ZNF721: variants seen among roughly 807,000 people sequenced by gnomAD.
ZNF721 encodes zinc finger protein 721.
A neutral mutation model predicts 2.4 loss-of-function variants in ZNF721; 2 were observed. The observed-to-expected ratio is 0.82, with a 90% confidence interval of 0.34 to 2.58. ZNF721 has a LOEUF of 2.58. Ranked by LOEUF, ZNF721 falls within the 30% of genes most tolerant of loss-of-function variation. The pLI is 0.11. For synonymous variants in ZNF721, 398 were observed against 381.8 expected, an observed-to-expected ratio of 1.04 and a Z score of -0.50; for missense variants, 1,187 against 1,085.5, an observed-to-expected ratio of 1.09 and a Z score of -1.31.
Position 443,411 on chromosome 4 carries a change from C to A in ZNF721, c.1056G>T (p.Arg352Ser), listed in dbSNP as rs1176547407. The A allele has an allele frequency of 1.2e-6, 2 of 1,612,920 alleles. No individual in the cohort carries two copies. Among genetic ancestry groups the A allele is most frequent in the African/African-American group, 1.3e-5 (1 of 74,876 alleles). ...AAGGTTTCTCTCCAGTATGAATTCT[C>A]CTATGTACGTAAAGGTTTGCGGACT... Reference protein sequence around the residue: ...FRQSANLYVHRRIHTGEKPYK... With the variant: ...FRQSANLYVHSRIHTGEKPYK... The change falls in exon 3 of 3, where the codon AGG becomes AGT. Residue 352 changes from arginine (R) to serine (S), a missense_variant. Physicochemically the swap from Arg to Ser is moderately radical, Grantham distance 110. Transcript: ENST00000511833.
rs1553863340 is a variant in ZNF721 at position 442,353 on chromosome 4, G to A, written c.2114C>T (p.Ala705Val). Residue 705 changes from alanine to valine, a missense_variant, in exon 3 of 3, where the codon GCC becomes GTC. Coordinates refer to ENST00000511833, the MANE Select transcript of ZNF721 (RefSeq NM_133474.4). ...KPYKCEECGK[A>V]FSRSRNLTTH... ...AGTAAGGTTTCTTGACCTACTAAAG[G>A]CTTTGCCACACTCTTCACATTTGTA... The A allele has an allele frequency of 7.4e-6, 12 of 1,613,916 alleles. No homozygotes were observed. The highest frequency in any genetic ancestry group is 1.1e-5 in the South Asian group (1 of 91,072).
intron 1 of ZNF721, among the ~76,000 whole-genome samples, chr4:479,701 C>T (rs1184174751): frequency 1.3e-5 from 2 of 152,224 alleles, no homozygotes; most frequent in East Asian, 1.9e-4. Context: ...ACTCCAGAAG[C>T]AGTGCTCCTG....
In ZNF721 at chr4:444,350, A is replaced by T; in HGVS notation, c.117T>A (p.Tyr39Ter). 1 of 1,614,054 alleles carries T rather than the reference A, an allele frequency of 6.2e-7. No individual in the cohort carries two copies. The highest frequency in any genetic ancestry group is 8.5e-7 in the Non-Finnish European group (1 of 1,179,968). The change falls in exon 3 of 3, where the codon TAT (tyrosine) becomes TAA (stop). Residue 39 changes from tyrosine (Y) to a stop codon, truncating the protein, a stop_gained. Coordinates refer to ENST00000511833, the MANE Select transcript of ZNF721 (RefSeq NM_133474.4). LOFTEE classifies it low-confidence loss of function (END_TRUNC). ...GTAAATTATCATGCCCACATTTCTC[A>T]TATCTTCTCAGTATAAGTTTGTGGA... ...DSFHKLILRR[Y>*]EKCGHDNLQL... is the part of the protein sequence containing the mutation.
intron 1 of ZNF721, among the ~76,000 whole-genome samples, chr4:474,380 G>T (rs1560239120): frequency 6.6e-6 from 1 of 152,114 alleles, no homozygotes. Flanking sequence ...CTCTGCACAG[G>T]GTTCATTTTA....
At chr4:456,622 T>C (rs1553865463) in intron 2 of ZNF721, among the ~76,000 whole-genome samples, 1 of 152,206 alleles carries the variant, frequency 6.6e-6, no homozygotes, top group African/African-American at 2.4e-5. Context: ...GGCTTATGCC[T>C]GTAATCCCAA....
At chr4:453,989 TGGA>T in intron 2 of ZNF721, 1 of 149,230 alleles carries the variant, frequency 6.7e-6, no homozygotes, top group Non-Finnish European at 1.5e-5. Context: ...CCACTTTGTC[TGGA>T]GGCCTTAAAT....
At chr4:456,813 A>G (rs1714864199) in intron 2 of ZNF721, among the ~76,000 whole-genome samples, 1 of 152,180 alleles carries the variant, frequency 6.6e-6, no homozygotes, top group Non-Finnish European at 1.5e-5. Context: ...CGGGAGGCGG[A>G]GGTTGCAGTG....
chr4:472,769 C>T, intron 1 of ZNF721, 68 bp from the exon 2 acceptor site: 1 of 1,591,270 alleles, frequency 6.3e-7, no homozygotes, highest in South Asian at 1.1e-5. Flanking sequence ...GTTAAGAGAA[C>T]CAGTTCTGAC....
At chr4:464,541 G>A (rs1715179770) in intron 2 of ZNF721, among the ~76,000 whole-genome samples, 1 of 150,034 alleles carries the variant, frequency 6.7e-6, no homozygotes, top group Admixed American at 6.6e-5. Context: ...AGTGAATAAA[G>A]CATATAGCTT....
chr4:449,176 T>C (rs1367716307), intron 2 of ZNF721, among the ~76,000 whole-genome samples: 1 of 152,118 alleles, frequency 6.6e-6, no homozygotes, highest in Non-Finnish European at 1.5e-5. Flanking sequence ...ATGACTAAGC[T>C]GAATATTTAA....
At chr4:463,002 C>A (rs1553866292) in intron 2 of ZNF721, among the ~76,000 whole-genome samples, 1 of 152,084 alleles carries the variant, frequency 6.6e-6, no homozygotes, top group Non-Finnish European at 1.5e-5. Flanking sequence ...TTGCAATCTA[C>A]CCATCTGACA....
chr4:449,142 G>T (rs1333152280), intron 2 of ZNF721, among the ~76,000 whole-genome samples: 1 of 152,094 alleles, frequency 6.6e-6, no homozygotes, highest in African/African-American at 2.4e-5. Flanking sequence ...ATATTCTAAA[G>T]ATAGAGTGCA....
At chr4:465,412 C>G (rs1288931308) in intron 2 of ZNF721, among the ~76,000 whole-genome samples, 1 of 150,024 alleles carries the variant, frequency 6.7e-6, no homozygotes, top group Admixed American at 6.6e-5. Flanking sequence ...AGATTGTTAT[C>G]TTAAGCTAGG....
intron 1 of ZNF721, among the ~76,000 whole-genome samples, chr4:489,543 C>G (rs139196555): frequency 2.6e-5 from 4 of 152,168 alleles, no homozygotes; most frequent in African/African-American, 4.8e-5. Flanking sequence ...CAGCTTGCAG[C>G]CCCTGCTCTC....
intron 2 of ZNF721, among the ~76,000 whole-genome samples, chr4:446,503 C>G (rs1714478677): frequency 6.6e-6 from 1 of 151,454 alleles, no homozygotes; most frequent in Non-Finnish European, 1.5e-5. Context: ...GCCTCAGCCT[C>G]CTGAGTAGCT....
At chr4:478,545 A>G (rs1715694030) in intron 1 of ZNF721, among the ~76,000 whole-genome samples, 1 of 152,164 alleles carries the variant, frequency 6.6e-6, no homozygotes. Context: ...TATCTTTATA[A>G]TAGCATGTGA....
intron 2 of ZNF721, among the ~76,000 whole-genome samples, chr4:451,019 C>T (rs1385889929): frequency 1.5e-5 from 2 of 132,892 alleles, no homozygotes; most frequent in South Asian, 4.8e-4. Flanking sequence ...CAAGGCAGGG[C>T]TTTAAATACA....
Position 493,061 on chromosome 4 carries a change from A to G in ZNF721, c.-94+5995T>C, listed in dbSNP as rs186653787. ...ATGACCAGTTTGTCCACAAGTATTTATCACATTACATTTACCTATTTTAAT... is the reference window on the plus strand; with the variant it reads ...ATGACCAGTTTGTCCACAAGTATTTGTCACATTACATTTACCTATTTTAAT... On this transcript the variant is annotated intron_variant, in intron 1 of 2. Coordinates refer to ENST00000511833, the MANE Select transcript of ZNF721 (RefSeq NM_133474.4). Among the ~76,000 whole-genome samples the G allele has an allele frequency of 1.1e-3, 172 of 151,994 alleles. No individual in the cohort carries two copies. In the Middle Eastern group the frequency reaches 0.014, roughly 12 times the overall value.
chr4:458,657 C>G (rs969346889), intron 2 of ZNF721, among the ~76,000 whole-genome samples: 1 of 152,048 alleles, frequency 6.6e-6, no homozygotes, highest in Non-Finnish European at 1.5e-5. Context: ...ACCAGCCTGG[C>G]CAACATGGCA....
Sources: allele counts gnomAD v4.1 joint callset (sites outside exome capture counted in the v4.1 genomes callset), GRCh38; gene constraint gnomAD v4.1.1; transcripts MANE v1.5; gene names NCBI Gene and HGNC (gene_info 2026-07-23, HGNC 2026-07-21).